The following SAMD9 variants were observed in gnomAD, a reference collection of about 807,000 sequenced individuals.
SAMD9 encodes the protein sterile alpha motif domain containing 9.
A neutral mutation model predicts 1.5 loss-of-function variants in SAMD9; 3 were observed. The ratio of observed to expected loss-of-function variants is 2.05; its 90% CI spans 0.93 to 5.29. The LOEUF (loss-of-function observed/expected upper bound fraction) is 5.29. SAMD9 is among the 30% of genes most tolerant of loss of function. The pLI, the probability that SAMD9 is intolerant of heterozygous loss-of-function variation, is 0.02. For synonymous variants in SAMD9, 635 were observed against 631.9 expected (o/e 1.00, Z -0.07); for missense variants, 1,597 against 1,820.8 (o/e 0.88, Z 2.24).
chr7:93,104,587 T>G lies in SAMD9; in HGVS notation c.1511A>C (p.Lys504Thr). Residue 504 changes from lysine to threonine, a missense_variant, in exon 3 of 3, where the codon AAA (lysine) becomes ACA (threonine). Physicochemically the swap from Lys to Thr is moderately conservative, Grantham distance 78. This residue lies in a region of SAMD9 where 358 missense variants were observed against 460.4 expected (regional missense o/e 0.78). Coordinates refer to ENST00000379958, the MANE Select transcript of SAMD9 (RefSeq NM_017654.4). ...CNGRLDLDSE[K>T]YKPFDPSSWQ... ...GGAACTTGGATCAAAGGGTTTATAT[T>G]TTTCACTGTCAAGGTCTAACCTGCC... 6.2e-7 allele frequency: 1 copy of G among 1,614,058 alleles called. No individual in the cohort carries two copies. Among genetic ancestry groups the G allele is most frequent in the Non-Finnish European group, 8.5e-7 (1 of 1,179,942 alleles).
Position 93,110,416 on chromosome 7 carries a change from C to T in SAMD9, c.-8-4311G>A, listed in dbSNP as rs956943157. Among the ~76,000 whole-genome samples, 7 of 152,278 alleles carry T rather than the reference C, an allele frequency of 4.6e-5. No homozygotes were observed. In the East Asian group the frequency reaches 1.4e-3, roughly 29 times the overall value. On this transcript the variant is annotated intron_variant, in intron 2 of 2. Transcript: ENST00000379958. ...TGCATCAAATAACGAGCAAAAGAAC[C>T]AGCTAACATCATAATGACAGGATCA...
Position 93,105,152 on chromosome 7 carries a change from AT to A in SAMD9, c.945del (p.Glu315AspfsTer84). On this transcript the variant is annotated frameshift_variant, in exon 3 of 3. Coordinates refer to ENST00000379958, the MANE Select transcript of SAMD9 (RefSeq NM_017654.4). LOFTEE classifies it low-confidence loss of function (END_TRUNC). ...IEVDIIPQFSECQYDYFQIKM... is the reference protein window; with the variant it reads ...IEVDIIPQFSXCQYDYFQIKM... ...TTAATCTGGAAATAATCATATTGGC[AT>A]TCAGAGAACTGTGGAATAATGTCCA... The A allele has an allele frequency of 6.2e-7, 1 of 1,613,610 alleles. No homozygotes were observed. Among genetic ancestry groups the A allele is most frequent in the Non-Finnish European group, 8.5e-7 (1 of 1,179,780 alleles).
chr7:93,108,877 G>C (rs572524627), intron 2 of SAMD9, among the ~76,000 whole-genome samples: 4 of 152,310 alleles, frequency 2.6e-5, no homozygotes, highest in Admixed American at 2.6e-4. Context: ...TGTGGGGCAG[G>C]GCATAGCTGA....
chr7:93,111,438 G>A (rs1426859060), intron 2 of SAMD9, among the ~76,000 whole-genome samples: 2 of 151,960 alleles, frequency 1.3e-5, no homozygotes, highest in Non-Finnish European at 2.9e-5. Context: ...CTAGCAGAAG[G>A]CAAGAAATAA....
At chr7:93,112,845 G>A (rs1172139677) in intron 2 of SAMD9, among the ~76,000 whole-genome samples, 1 of 152,170 alleles carries the variant, frequency 6.6e-6, no homozygotes, top group Non-Finnish European at 1.5e-5. Flanking sequence ...TCATGGATAG[G>A]AAGAATCAAT....
rs1791613947 is a variant in SAMD9 at position 93,105,219 on chromosome 7, T to G, written c.879A>C (p.Leu293Phe). 2 of 1,613,810 alleles carry G rather than the reference T, an allele frequency of 1.2e-6. No homozygotes were observed. Among genetic ancestry groups the G allele is most frequent in the South Asian group, 1.1e-5 (1 of 91,086 alleles). Residue 293 changes from leucine to phenylalanine, a missense_variant, in exon 3 of 3, where the codon TTA (leucine) becomes TTC (phenylalanine). This residue lies in a region of SAMD9 where 498 missense variants were observed against 457.4 expected (regional missense o/e 1.09). Transcript: ENST00000379958. ...TGTCAGATAGAGTACTATTTGGCAGTAAAACTTCCACAAATCTTGGCTCTC... is the reference window on the plus strand; with the variant it reads ...TGTCAGATAGAGTACTATTTGGCAGGAAAACTTCCACAAATCTTGGCTCTC... ...CIREPRFVEV[L>F]LPNSTLSDRF...
chr7:93,105,722 A>G lies in SAMD9; in HGVS notation c.376T>C (p.Ser126Pro), dbSNP rs1791627801. The stretch of plus-strand genomic sequence containing the variant: ...CCTTTAGCAGTTGTACTCATTGCAG[A>G]CGGATTAGCCATATCTGGGTTCTCT... ...GKENPDMANP[S>P]AMSTTAKGSK... The change falls in exon 3 of 3, where the codon TCT becomes CCT. Residue 126 changes from serine to proline, a missense_variant. Coordinates refer to ENST00000379958, the MANE Select transcript of SAMD9 (RefSeq NM_017654.4). 2.5e-6 allele frequency: 4 copies of G among 1,614,070 alleles called. No homozygotes were observed. Among genetic ancestry groups the G allele is most frequent in the South Asian group, 1.1e-5 (1 of 91,078 alleles).
At position 93,111,259 on chromosome 7, in the gene SAMD9, A is replaced by G. The variant is rs1269178862; in HGVS notation, c.-9+3536T>C. 6.6e-5 allele frequency among the ~76,000 whole-genome samples: 10 copies of G among 152,230 alleles called. No homozygotes were observed. The South Asian group carries it at 1.2e-3, about 19-fold the overall frequency. On this transcript the variant is annotated intron_variant, in intron 2 of 2. Transcript: ENST00000379958. ...AATAAAGATGTTCTTTGAAACCAAC[A>G]AGAACAAAGACACAACATACCAGAA...
intron 2 of SAMD9, among the ~76,000 whole-genome samples, chr7:93,112,579 T>G (rs910174120): frequency 7.2e-5 from 11 of 151,836 alleles, no homozygotes; most frequent in African/African-American, 2.4e-4. Flanking sequence ...CCCAAAATCT[T>G]AAGCTGATAA....
chr7:93,112,210 CATT>C lies in SAMD9; in HGVS notation c.-9+2582_-9+2584del, dbSNP rs554868848. 1.5e-3 allele frequency among the ~76,000 whole-genome samples: 231 copies of C among 152,274 alleles called. 3 individuals are homozygous for C. Among genetic ancestry groups the C allele is most frequent in the Non-Finnish European group, 3.4e-4 (23 of 68,010 alleles). On this transcript the variant is annotated intron_variant, in intron 2 of 2. Transcript: ENST00000379958. ...ACAGAACCAAAGACAAAAACCACATCATTATCTCAATAGATGCAGAAAATGCCT... is the reference window on the plus strand; with the variant it reads ...ACAGAACCAAAGACAAAAACCACATCATCTCAATAGATGCAGAAAATGCCT...
intron 1 of SAMD9, among the ~76,000 whole-genome samples, chr7:93,116,796 G>A (rs763981419): frequency 2.0e-5 from 3 of 152,114 alleles, no homozygotes; most frequent in Non-Finnish European, 4.4e-5. Flanking sequence ...TTTTGATTCC[G>A]TATACTTTAA....
chr7:93,107,043 AT>A lies in SAMD9; in HGVS notation c.-8-939del, dbSNP rs1301135110. ...CTTTGTTGTGTTGTTGGGTATTTTA[AT>A]TTTTTTTTTTTTTGAGATGGAGTTT... On this transcript the variant is annotated intron_variant, in intron 2 of 2. Transcript: ENST00000379958. 9.2e-3 allele frequency among the ~76,000 whole-genome samples: 1,323 copies of A among 144,014 alleles called. 15 individuals are homozygous for A. Among genetic ancestry groups the A allele is most frequent in the African/African-American group, 0.028 (1,092 of 39,506 alleles). The allele number at this position is 144,014 out of a possible 152,430, so 94.5% of individuals were successfully genotyped here.
At chr7:93,112,938 A>C (rs1409628679) in intron 2 of SAMD9, among the ~76,000 whole-genome samples, 1 of 152,198 alleles carries the variant, frequency 6.6e-6, no homozygotes, top group Non-Finnish European at 1.5e-5. Flanking sequence ...TTCTTCACAG[A>C]ATTGGAAAAA....
intron 2 of SAMD9, among the ~76,000 whole-genome samples, chr7:93,111,163 C>T (rs1459659147): frequency 5.3e-5 from 8 of 152,010 alleles, no homozygotes; most frequent in Admixed American, 1.3e-4. Flanking sequence ...CACTCAAAAC[C>T]GCTCAACTAC....
At chr7:93,114,261 G>A (rs1584260357) in intron 2 of SAMD9, among the ~76,000 whole-genome samples, 1 of 147,906 alleles carries the variant, frequency 6.8e-6, no homozygotes, top group East Asian at 2.0e-4. Context: ...GAGAACACTG[G>A]GACACAGGTT....
chr7:93,108,903 A>G (rs1447600792), intron 2 of SAMD9, among the ~76,000 whole-genome samples: 1 of 152,164 alleles, frequency 6.6e-6, no homozygotes, highest in Non-Finnish European at 1.5e-5. Flanking sequence ...AGGCAGAAGA[A>G]ACTTCTGCAG....
chr7:93,110,214 A>G (rs969063170), intron 2 of SAMD9, among the ~76,000 whole-genome samples: 2 of 152,212 alleles, frequency 1.3e-5, no homozygotes, highest in African/African-American at 2.4e-5. Context: ...ACTAAGCTTC[A>G]TAAGTGAAGG....
In SAMD9 at chr7:93,103,660, G is replaced by C. The variant is rs1457200198; in HGVS notation, c.2438C>G (p.Ser813Cys). 1 of 1,613,774 alleles carries C rather than the reference G, an allele frequency of 6.2e-7. No individual in the cohort carries two copies. Among genetic ancestry groups the C allele is most frequent in the Non-Finnish European group, 8.5e-7 (1 of 1,179,748 alleles). Residue 813 changes from serine (S) to cysteine (C), a missense_variant, in exon 3 of 3, where the codon TCT becomes TGT. This residue lies in a region of SAMD9 where 1 missense variants were observed against 16.5 expected (regional missense o/e 0.06). Coordinates refer to ENST00000379958, the MANE Select transcript of SAMD9 (RefSeq NM_017654.4). ...CTTTTTAGCTATAGCTGTTTGAATA[G>C]AGTACTGCAGAAGATAGACATTATC... Reference protein sequence around the residue: ...EQDNVYLLQYSIQTAIAKKYI... With the variant: ...EQDNVYLLQYCIQTAIAKKYI...
rs754551354 is a variant in SAMD9 at position 93,105,144 on chromosome 7, A to G, written c.954T>C (p.Tyr318=). Residue 318 remains tyrosine, a synonymous_variant, in exon 3 of 3, where the codon TAT becomes TAC. Transcript: ENST00000379958. ...TTTGCATTTTAATCTGGAAATAATCATATTGGCATTCAGAGAACTGTGGAA... is the reference window on the plus strand; with the variant it reads ...TTTGCATTTTAATCTGGAAATAATCGTATTGGCATTCAGAGAACTGTGGAA... ...DIIPQFSECQ[Y]DYFQIKMQNY... 2 of 1,613,630 alleles carry G rather than the reference A, an allele frequency of 1.2e-6. No homozygotes were observed. Among genetic ancestry groups the G allele is most frequent in the Non-Finnish European group, 8.5e-7 (1 of 1,179,792 alleles).
Sources: gnomAD v4.1 joint callset for allele counts (sites outside exome capture counted in the v4.1 genomes callset) on GRCh38, gnomAD v4.1.1 for gene constraint, gnomAD v4.1.1 regional missense constraint, MANE v1.5 for transcripts, NCBI Gene and HGNC (gene_info 2026-07-23, HGNC 2026-07-21) for gene names.